NEK10: variants seen among roughly 807,000 people sequenced by gnomAD.
NEK10 encodes the protein serine/threonine-protein kinase Nek10.
Under a neutral mutation model 159.8 loss-of-function variants are expected in NEK10, and 122 were observed. The observed-to-expected ratio is 0.76, with a 90% CI of 0.66 to 0.89. NEK10 has a LOEUF of 0.89. Among genes scored for constraint, NEK10 ranks in the 40% least tolerant of loss-of-function variants. The pLI is 0.00. For synonymous variants in NEK10, 466 were observed against 457.1 expected (o/e 1.02, Z -0.25); for missense variants, 1,342 against 1,323.1 (o/e 1.01, Z -0.22).
chr3:27,289,839 T>A (rs921461921), intron 19 of NEK10, among the ~76,000 whole-genome samples: 2 of 152,228 alleles, frequency 1.3e-5, no homozygotes, highest in Admixed American at 1.3e-4. Flanking sequence ...TTTACTATAA[T>A]GTACACACTG....
chr3:27,351,830 A>G (rs951911012), intron 3 of NEK10, among the ~76,000 whole-genome samples: 1 of 152,038 alleles, frequency 6.6e-6, no homozygotes, highest in African/African-American at 2.4e-5. Flanking sequence ...TATTATTAGC[A>G]TTGCTATGCT....
chr3:27,354,580 T>C (rs897261905), intron 1 of NEK10, among the ~76,000 whole-genome samples: 1 of 152,204 alleles, frequency 6.6e-6, no homozygotes, highest in Non-Finnish European at 1.5e-5. Flanking sequence ...TGCTTTAAAA[T>C]AGTTAACCTA....
intron 1 of NEK10, among the ~76,000 whole-genome samples, chr3:27,368,615 T>C (rs1200685747): frequency 2.6e-5 from 4 of 152,090 alleles, no homozygotes; most frequent in Non-Finnish European, 5.9e-5. Flanking sequence ...ATGCCCAAAA[T>C]AGGGAATCCA....
At chr3:27,355,412 A>T (rs926719096) in intron 1 of NEK10, among the ~76,000 whole-genome samples, 1 of 152,002 alleles carries the variant, frequency 6.6e-6, no homozygotes, top group African/African-American at 2.4e-5. Context: ...AACATACCCT[A>T]AACAGAACTC....
At chr3:27,300,955 CT>C (rs2043770756) in intron 13 of NEK10, among the ~76,000 whole-genome samples, 1 of 152,176 alleles carries the variant, frequency 6.6e-6, no homozygotes, top group South Asian at 2.1e-4. Context: ...AGCCTGCCCT[CT>C]CCCACTTCCC....
intron 22 of NEK10, among the ~76,000 whole-genome samples, chr3:27,267,559 T>C (rs1361937092): frequency 1.3e-5 from 2 of 152,176 alleles, no homozygotes; most frequent in Non-Finnish European, 2.9e-5. Flanking sequence ...TATCTGTGAT[T>C]AGTGATCTTT....
intron 23 of NEK10, among the ~76,000 whole-genome samples, chr3:27,214,306 G>A (rs1286900090): frequency 2.0e-5 from 3 of 152,190 alleles, no homozygotes; most frequent in South Asian, 2.1e-4. Flanking sequence ...GCAGTGTGAC[G>A]GGTCACGGTC....
intron 9 of NEK10, chr3:27,309,891 CT>C (rs1422108884): frequency 3.3e-5 from 5 of 152,146 alleles, no homozygotes; most frequent in African/African-American, 1.2e-4. Context: ...ATCATCCTAA[CT>C]AACATGACTT....
intron 26 of NEK10, among the ~76,000 whole-genome samples, chr3:27,182,657 T>C (rs1274305857): frequency 1.3e-5 from 2 of 152,126 alleles, no homozygotes; most frequent in African/African-American, 4.8e-5. Context: ...ATTTTTATTA[T>C]AGCACTATTC....
chr3:27,314,706 C>T (rs558491148), intron 6 of NEK10, among the ~76,000 whole-genome samples: 1 of 152,274 alleles, frequency 6.6e-6, no homozygotes, highest in South Asian at 2.1e-4. Context: ...AGAAAGAAAA[C>T]CATTTTGCAT....
intron 6 of NEK10, among the ~76,000 whole-genome samples, chr3:27,317,383 G>T (rs1463831722): frequency 6.6e-6 from 1 of 152,166 alleles, no homozygotes; most frequent in Non-Finnish European, 1.5e-5. Context: ...TTAGCCCTCA[G>T]CATCTTTCAC....
chr3:27,230,616 T>G (rs1953135117), intron 23 of NEK10, among the ~76,000 whole-genome samples: 2 of 151,946 alleles, frequency 1.3e-5, no homozygotes, highest in Non-Finnish European at 2.9e-5. Flanking sequence ...TCTGCTGTCC[T>G]CAAGAGACTC....
chr3:27,251,661 A>G (rs1265317214), intron 23 of NEK10, among the ~76,000 whole-genome samples: 2 of 152,182 alleles, frequency 1.3e-5, no homozygotes, highest in Non-Finnish European at 2.9e-5. Context: ...TTTATAAATT[A>G]TCCAGTCTCA....
chr3:27,144,466 T>C (rs1944101216), intron 30 of NEK10, among the ~76,000 whole-genome samples: 1 of 152,200 alleles, frequency 6.6e-6, no homozygotes, highest in African/African-American at 2.4e-5. Context: ...GACCCAAGGA[T>C]ACATTGTAAC....
At chr3:27,285,410 C>G (rs1354251218) in intron 20 of NEK10, among the ~76,000 whole-genome samples, 2 of 151,946 alleles carry the variant, frequency 1.3e-5, no homozygotes, top group African/African-American at 4.8e-5. Flanking sequence ...GTTTCATAGT[C>G]TGATAGATTT....
chr3:27,281,328 C>A (rs2042144222), intron 22 of NEK10, among the ~76,000 whole-genome samples: 1 of 151,792 alleles, frequency 6.6e-6, no homozygotes, highest in South Asian at 2.1e-4. Context: ...TTTAAGTCTC[C>A]AGATTGAAGA....
chr3:27,222,052 A>G (rs978493741), intron 23 of NEK10, among the ~76,000 whole-genome samples: 8 of 152,176 alleles, frequency 5.3e-5, no homozygotes, highest in East Asian at 1.9e-4. Context: ...GGAGCCTTCA[A>G]TTGACTCCGT....
intron 30 of NEK10, among the ~76,000 whole-genome samples, chr3:27,147,068 C>T (rs1944366139): frequency 1.3e-5 from 2 of 152,214 alleles, no homozygotes; most frequent in Admixed American, 6.5e-5. Flanking sequence ...AGAGGCCTGG[C>T]TTGCATTGCA....
At chr3:27,157,046 T>C (rs1945541163) in intron 30 of NEK10, among the ~76,000 whole-genome samples, 1 of 146,164 alleles carries the variant, frequency 6.8e-6, no homozygotes, top group African/African-American at 2.5e-5. Flanking sequence ...TGGATGAGAC[T>C]GGAGACTATT....
Sources: allele counts gnomAD v4.1 joint callset (sites outside exome capture counted in the v4.1 genomes callset), GRCh38; gene constraint gnomAD v4.1.1; transcripts MANE v1.5; gene names NCBI Gene and HGNC (gene_info 2026-07-23, HGNC 2026-07-21).